Variants in TCF3 observed in about 807,000 individuals in gnomAD.
The protein encoded by TCF3 is transcription factor E2-alpha.
TCF3 carries 54 observed loss-of-function variants against 72.3 expected under a neutral mutation model. The observed-to-expected ratio is 0.75, with a 90% CI of 0.60 to 0.94. The LOEUF is 0.94. Among genes scored for constraint, TCF3 ranks in the 40% least tolerant of loss-of-function variants. The pLI, the probability that TCF3 is intolerant of heterozygous loss-of-function variation, is 0.00. For synonymous variants in TCF3, 525 were observed against 412.6 expected, an observed-to-expected ratio of 1.27 and a Z score of -3.30; for missense variants, 1,078 against 934.4, an observed-to-expected ratio of 1.15 and a Z score of -2.00.
Position 1,611,146 on chromosome 19 carries a change from A to G in TCF3, c.*561T>C, listed in dbSNP as rs1038567473. 3 of 237,052 alleles carry G rather than the reference A, an allele frequency of 1.3e-5. No individual in the cohort carries two copies. Among genetic ancestry groups the G allele is most frequent in the African/African-American group, 6.6e-5 (3 of 45,420 alleles). 14.7% of individuals were successfully genotyped at this position (237,052 alleles called of 1,614,324 possible). On this transcript the variant is annotated 3_prime_UTR_variant, in exon 19 of 19. Coordinates refer to ENST00000262965, the MANE Select transcript of TCF3 (RefSeq NM_003200.5). Reference sequence around the variant, plus strand: ...AAAGGCAGCATCCTTGCTAATTTTCATCTACATTAAGAAAAAAAAAATCTT... The same window carrying G: ...AAAGGCAGCATCCTTGCTAATTTTCGTCTACATTAAGAAAAAAAAAATCTT...
In TCF3 at chr19:1,650,269, C is replaced by G; in HGVS notation, c.-21G>C. On this transcript the variant is annotated 5_prime_UTR_variant, in exon 2 of 19. Transcript: ENST00000262965. ...TTCATTCTCCTGGGGCCAGGGCGGGCACCTCAGGCCTGGAAACCCTGCTTG... is the reference window on the plus strand; with the variant it reads ...TTCATTCTCCTGGGGCCAGGGCGGGGACCTCAGGCCTGGAAACCCTGCTTG... The G allele has an allele frequency of 6.4e-7, 1 of 1,552,450 alleles. No homozygotes were observed.
intron 3 of TCF3, 136 bp downstream of exon 3, chr19:1,646,219 C>T (rs2066070732): frequency 3.1e-6 from 3 of 965,664 alleles, no homozygotes; most frequent in Non-Finnish European, 4.6e-6. Context: ...GGCTCGCTGC[C>T]CCCGACCCGG....
intron 3 of TCF3, among the ~76,000 whole-genome samples, chr19:1,640,689 C>T (rs1238319492): frequency 6.6e-6 from 1 of 151,940 alleles, no homozygotes; most frequent in African/African-American, 2.4e-5. Context: ...CCTGTAGTCC[C>T]AGCTACTAGG....
At chr19:1,650,043 C>T (rs2066766113) in intron 2 of TCF3, 134 bp downstream of exon 2, 2 of 886,512 alleles carry the variant, frequency 2.3e-6, no homozygotes, top group Non-Finnish European at 3.4e-6. Context: ...ACTCCCCCAG[C>T]CCCACCGGGG....
chr19:1,614,970 G>A lies in TCF3; in HGVS notation c.1822+315C>T, dbSNP rs562433874. Among the ~76,000 whole-genome samples, 8 of 152,286 alleles carry A rather than the reference G, an allele frequency of 5.3e-5. No homozygotes were observed. The South Asian group carries it at 1.2e-3, about 24-fold the overall frequency. On this transcript the variant is annotated intron_variant, in intron 18 of 18. Coordinates refer to ENST00000262965, the MANE Select transcript of TCF3 (RefSeq NM_003200.5). The surrounding 1 kb of genome is among the most constrained non-coding windows in gnomAD (Gnocchi z 5.6). ...CTTCCCAAGAAAGGAGGACCACGGC[G>A]AGTGGGAGCCCCGTGGAGCTGGGAG... is the stretch of plus-strand genomic sequence containing the variant.
chr19:1,633,254 C>T (rs1485901322), intron 3 of TCF3, among the ~76,000 whole-genome samples: 1 of 152,206 alleles, frequency 6.6e-6, no homozygotes, highest in Non-Finnish European at 1.5e-5. Flanking sequence ...CCTGGGCCTC[C>T]TCAGCTTGGC....
At chr19:1,636,895 G>A (rs1308968999) in intron 3 of TCF3, among the ~76,000 whole-genome samples, 3 of 152,188 alleles carry the variant, frequency 2.0e-5, no homozygotes, top group Non-Finnish European at 4.4e-5. Context: ...TGGCCCGCCC[G>A]CGAGCAGACA....
At chr19:1,641,316 TACTC>T (rs1462481656) in intron 3 of TCF3, among the ~76,000 whole-genome samples, 3 of 151,888 alleles carry the variant, frequency 2.0e-5, no homozygotes, top group Non-Finnish European at 4.4e-5. Flanking sequence ...TTACACAAAA[TACTC>T]AAAGTGAAAA....
chr19:1,637,313 C>T (rs1450382032), intron 3 of TCF3, among the ~76,000 whole-genome samples: 1 of 152,106 alleles, frequency 6.6e-6, no homozygotes, highest in African/African-American at 2.4e-5. Flanking sequence ...ACCTCCTCTA[C>T]CAGAACCGAG....
chr19:1,626,053 G>C (rs1299135607), intron 6 of TCF3, among the ~76,000 whole-genome samples: 1 of 152,130 alleles, frequency 6.6e-6, no homozygotes. Flanking sequence ...GTTTTGTTTT[G>C]TAAAGCCCTC....
chr19:1,633,988 G>C (rs1470726523), intron 3 of TCF3, among the ~76,000 whole-genome samples: 1 of 152,218 alleles, frequency 6.6e-6, no homozygotes, highest in African/African-American at 2.4e-5. Flanking sequence ...GCAAACGGGA[G>C]GCTCCTGGCA....
chr19:1,610,164 G>C lies in TCF3; in HGVS notation c.*1543C>G, dbSNP rs1334710791. On this transcript the variant is annotated 3_prime_UTR_variant, in exon 19 of 19. Transcript: ENST00000262965. ...GACCTGGAGAGAGGCCTGGGTGCTG[G>C]GACATGGGACACAGATGGGCCCGAG... The C allele has an allele frequency of 4.3e-6, 1 of 232,400 alleles. No homozygotes were observed. The highest frequency in any genetic ancestry group is 8.5e-6 in the Non-Finnish European group (1 of 117,656). 14.4% of individuals were successfully genotyped at this position (232,400 alleles called of 1,614,324 possible).
At chr19:1,648,046 T>C (rs2066392768) in intron 2 of TCF3, among the ~76,000 whole-genome samples, 1 of 152,174 alleles carries the variant, frequency 6.6e-6, no homozygotes, top group Non-Finnish European at 1.5e-5. Context: ...AGGCAGGGCA[T>C]GTCAGCCCAG....
At chr19:1,650,580 C>T (rs1177140254) in intron 1 of TCF3, 2 of 318,414 alleles carry the variant, frequency 6.3e-6, no homozygotes, top group East Asian at 9.5e-5. Context: ...AACACCAGGG[C>T]ATCAAGTTGC....
intron 5 of TCF3, 133 bp downstream of exon 5, chr19:1,631,905 G>C (rs1469716537): frequency 3.9e-6 from 6 of 1,533,044 alleles, no homozygotes; most frequent in Non-Finnish European, 5.3e-6. Context: ...AGGACGGGCA[G>C]AGGCTTCGGC....
At position 1,614,511 on chromosome 19, in the gene TCF3, G is replaced by C. The variant is rs565361342; in HGVS notation, c.1822+774C>G. Among the ~76,000 whole-genome samples, 3 of 152,280 alleles carry C rather than the reference G, an allele frequency of 2.0e-5. No individual in the cohort carries two copies. In the South Asian group the frequency reaches 6.2e-4, roughly 32 times the overall value. ...AGACAGCAGAGAGGCGGGCTTGGGG[G>C]GCGCGAGGCGTGCCACACACGGCTG... On this transcript the variant is annotated intron_variant, in intron 18 of 18. Transcript: ENST00000262965. This position sits in a 1 kb window ranked among gnomAD's most constrained non-coding sequence, Gnocchi z 5.6.
intron 8 of TCF3, among the ~76,000 whole-genome samples, chr19:1,623,667 A>T (rs955152396): frequency 4.6e-5 from 7 of 152,102 alleles, no homozygotes; most frequent in African/African-American, 1.7e-4. Context: ...GACAGGCATG[A>T]GCCACCACAC....
At position 1,651,018 on chromosome 19, in the gene TCF3, T is replaced by C. The variant is rs2066944236; in HGVS notation, c.-39-731A>G. On this transcript the variant is annotated intron_variant, in intron 1 of 18. Coordinates refer to ENST00000262965, the MANE Select transcript of TCF3 (RefSeq NM_003200.5). ...ACTGTCGCGATGTATCCGGGAATTA[T>C]TTTTAAGCAAAACTTTGACAACATC... 8.2e-5 allele frequency: 19 copies of C among 231,444 alleles called. No homozygotes were observed. The East Asian group carries it at 1.2e-3, about 14-fold the overall frequency. The allele number at this position is 231,444 out of a possible 1,614,324, so 14.3% of individuals were successfully genotyped here. A position where few individuals can be genotyped will look rare whatever the true frequency, so the allele number is the denominator to read the frequency against.
rs542863373 is a variant in TCF3 at position 1,609,578 on chromosome 19, T to C, written c.*2129A>G. 5 of 218,206 alleles carry C rather than the reference T, an allele frequency of 2.3e-5. No homozygotes were observed. In the East Asian group the frequency reaches 2.7e-4, roughly 12 times the overall value. 13.5% of individuals were successfully genotyped at this position (218,206 alleles called of 1,614,324 possible). A position where few individuals can be genotyped will look rare whatever the true frequency, so the allele number is the denominator to read the frequency against. ...GCAGAACGCACAGTTCCAGAGGCTA[T>C]GGGGCCACTGCCCACCCAGACCTAG... On this transcript the variant is annotated 3_prime_UTR_variant, in exon 19 of 19. Coordinates refer to ENST00000262965, the MANE Select transcript of TCF3 (RefSeq NM_003200.5).
Sources: gnomAD v4.1 joint callset for allele counts (sites outside exome capture counted in the v4.1 genomes callset) on GRCh38, gnomAD v4.1.1 for gene constraint, Gnocchi (gnomAD v3.1) non-coding constraint, MANE v1.5 for transcripts, NCBI Gene and HGNC (gene_info 2026-07-23, HGNC 2026-07-21) for gene names.